The following LRRC4C variants were observed in gnomAD, a reference collection of about 807,000 sequenced individuals.
The protein encoded by LRRC4C is leucine rich repeat containing 4C.
LRRC4C carries 5 observed loss-of-function variants against 33.6 expected under a neutral mutation model. That is an observed-to-expected ratio of 0.15 (90% CI 0.08 to 0.31). LRRC4C has a LOEUF of 0.31. Ranked by LOEUF, LRRC4C falls within the 10% of genes least tolerant of loss-of-function variation. LRRC4C has a pLI of 1.00. For missense variants in LRRC4C, 560 were observed against 796.7 expected (o/e 0.70, Z 3.58); for synonymous variants, 329 against 302.0 (o/e 1.09, Z -0.93).
chr11:40,447,367 G>A (rs1951684022), intron 3 of LRRC4C, among the ~76,000 whole-genome samples: 1 of 152,152 alleles, frequency 6.6e-6, no homozygotes, highest in Non-Finnish European at 1.5e-5. Context: ...GCAGAGAAGT[G>A]CCTAGAAATC....
chr11:40,483,025 T>C (rs1953669088), intron 3 of LRRC4C, among the ~76,000 whole-genome samples: 1 of 152,186 alleles, frequency 6.6e-6, no homozygotes, highest in African/African-American at 2.4e-5. Flanking sequence ...AGTCCCCATT[T>C]ACCTATATTT....
chr11:41,333,690 G>T (rs1189803877), intron 1 of LRRC4C, among the ~76,000 whole-genome samples: 3 of 152,096 alleles, frequency 2.0e-5, no homozygotes, highest in African/African-American at 7.2e-5. Flanking sequence ...ATTTTTGCAG[G>T]TGAATTAATG....
At chr11:40,263,304 A>G (rs972792961) in intron 4 of LRRC4C, among the ~76,000 whole-genome samples, 3 of 152,168 alleles carry the variant, frequency 2.0e-5, no homozygotes, top group African/African-American at 7.2e-5. Flanking sequence ...TTGCCTACAG[A>G]AATGAAGATA....
intron 1 of LRRC4C, among the ~76,000 whole-genome samples, chr11:41,404,564 C>CACACA (rs375465500): frequency 0.017 from 1,562 of 94,132 alleles, 35 homozygotes; most frequent in African/African-American, 0.059. Flanking sequence ...ACACACACAC[C>CACACA]CCCCGAGGTT....
chr11:40,991,089 A>G (rs1853518565), intron 1 of LRRC4C, among the ~76,000 whole-genome samples: 1 of 151,722 alleles, frequency 6.6e-6, no homozygotes, highest in Non-Finnish European at 1.5e-5. Flanking sequence ...CAAAAAAAAA[A>G]AAAAGAAAAT....
chr11:41,323,620 A>G (rs1338280416), intron 1 of LRRC4C, among the ~76,000 whole-genome samples: 4 of 152,180 alleles, frequency 2.6e-5, no homozygotes, highest in African/African-American at 9.7e-5. Flanking sequence ...TTCCCTACGC[A>G]GTCTGTTAGC....
intron 1 of LRRC4C, among the ~76,000 whole-genome samples, chr11:41,039,474 T>C (rs970847180): frequency 3.4e-4 from 51 of 152,190 alleles, no homozygotes; most frequent in African/African-American, 1.2e-3. Flanking sequence ...GTTATGTGAA[T>C]GACAAACTCT....
intron 1 of LRRC4C, among the ~76,000 whole-genome samples, chr11:41,179,480 G>A (rs1945351115): frequency 6.6e-6 from 1 of 152,102 alleles, no homozygotes; most frequent in African/African-American, 2.4e-5. Flanking sequence ...GTAGTTTTCT[G>A]ACTTTCTTCT....
At chr11:41,136,679 C>A (rs1251648610) in intron 1 of LRRC4C, among the ~76,000 whole-genome samples, 1 of 152,166 alleles carries the variant, frequency 6.6e-6, no homozygotes, top group East Asian at 1.9e-4. Context: ...GCACCTCTTT[C>A]CACGTCTATG....
At chr11:41,351,169 T>A (rs1951968063) in intron 1 of LRRC4C, among the ~76,000 whole-genome samples, 1 of 151,808 alleles carries the variant, frequency 6.6e-6, no homozygotes, top group African/African-American at 2.4e-5. Context: ...AGAGATTGAG[T>A]CTTCAGTGAG....
At chr11:41,071,286 A>C (rs564641288) in intron 1 of LRRC4C, among the ~76,000 whole-genome samples, 2 of 152,028 alleles carry the variant, frequency 1.3e-5, no homozygotes, top group East Asian at 3.9e-4. Context: ...CATTAGGAAA[A>C]ATACCTAATG....
At chr11:40,675,959 A>G (rs1944378283) in intron 2 of LRRC4C, among the ~76,000 whole-genome samples, 1 of 152,196 alleles carries the variant, frequency 6.6e-6, no homozygotes, top group South Asian at 2.1e-4. Context: ...CTATGGTCTT[A>G]GGTGTTGCTA....
At chr11:41,097,003 T>G (rs978262689) in intron 1 of LRRC4C, among the ~76,000 whole-genome samples, 1 of 152,288 alleles carries the variant, frequency 6.6e-6, no homozygotes, top group South Asian at 2.1e-4. Context: ...ATAGGAAAAG[T>G]GGCTTAGAAT....
At chr11:41,404,582 A>G (rs1203673463) in intron 1 of LRRC4C, among the ~76,000 whole-genome samples, 1 of 150,836 alleles carries the variant, frequency 6.6e-6, no homozygotes, top group Non-Finnish European at 1.5e-5. Flanking sequence ...GTTATATAGT[A>G]AATCCATTTC....
intron 1 of LRRC4C, among the ~76,000 whole-genome samples, chr11:41,362,110 T>C (rs1057396060): frequency 4.6e-5 from 7 of 152,150 alleles, no homozygotes; most frequent in Non-Finnish European, 1.0e-4. Context: ...GCTCAAGATA[T>C]GGACAAAAAG....
intron 5 of LRRC4C, among the ~76,000 whole-genome samples, chr11:40,211,252 C>G (rs1413773121): frequency 6.6e-6 from 1 of 152,198 alleles, no homozygotes; most frequent in Non-Finnish European, 1.5e-5. Context: ...CTCCTATTCC[C>G]TGTACCTAAA....
chr11:40,310,532 G>C (rs1415028773), intron 4 of LRRC4C, among the ~76,000 whole-genome samples: 1 of 152,100 alleles, frequency 6.6e-6, no homozygotes, highest in African/African-American at 2.4e-5. Context: ...ATCGGCACAT[G>C]CATGATTTGT....
At chr11:41,215,869 G>A (rs181862078) in intron 1 of LRRC4C, among the ~76,000 whole-genome samples, 1 of 152,266 alleles carries the variant, frequency 6.6e-6, no homozygotes, top group African/African-American at 2.4e-5. Context: ...GGGGACATAT[G>A]CTTAGGAGTA....
At chr11:40,271,277 A>G (rs1232034299) in intron 4 of LRRC4C, among the ~76,000 whole-genome samples, 3 of 152,118 alleles carry the variant, frequency 2.0e-5, no homozygotes, top group Non-Finnish European at 4.4e-5. Context: ...CTGCTTTGCC[A>G]TGTTTCCATC....
Sources: allele counts gnomAD v4.1 joint callset (sites outside exome capture counted in the v4.1 genomes callset), GRCh38; gene constraint gnomAD v4.1.1; transcripts MANE v1.5; gene names NCBI Gene and HGNC (gene_info 2026-07-23, HGNC 2026-07-21).